AP1S3: variants seen among roughly 807,000 people sequenced by gnomAD.
AP1S3 encodes the protein AP-1 complex subunit sigma-3.
A neutral mutation model predicts 20.9 loss-of-function variants in AP1S3; 10 were observed. The ratio of observed to expected loss-of-function variants is 0.48; its 90% CI spans 0.29 to 0.81. The LOEUF (loss-of-function observed/expected upper bound fraction) is 0.81. Ranked by LOEUF, AP1S3 falls within the 30% of genes least tolerant of loss-of-function variation. The probability of loss-of-function intolerance (pLI) is 0.08; values close to 1 mark genes in which losing one functional copy is unlikely to be tolerated. For missense variants in AP1S3, 154 were observed against 183.8 expected (o/e 0.84, Z 0.94); for synonymous variants, 41 against 61.5 (o/e 0.67, Z 1.56).
At chr2:223,784,185 C>T (rs1047984799) in intron 1 of AP1S3, among the ~76,000 whole-genome samples, 2 of 152,152 alleles carry the variant, frequency 1.3e-5, no homozygotes, top group African/African-American at 4.8e-5. Flanking sequence ...TCAGCTGAAT[C>T]TCCAGTAGTA....
chr2:223,810,351 C>A (rs532766798), intron 1 of AP1S3, among the ~76,000 whole-genome samples: 1 of 152,256 alleles, frequency 6.6e-6, no homozygotes, highest in South Asian at 2.1e-4. Context: ...CTCCATCTAT[C>A]ACCTAGGCTG....
intron 3 of AP1S3, among the ~76,000 whole-genome samples, chr2:223,768,082 A>C (rs960269621): frequency 6.6e-6 from 1 of 152,114 alleles, no homozygotes; most frequent in Admixed American, 6.5e-5. Flanking sequence ...GTGCCTCTCC[A>C]GTGTAAGGTC....
chr2:223,761,412 G>A (rs1690350789), intron 4 of AP1S3, among the ~76,000 whole-genome samples: 1 of 152,142 alleles, frequency 6.6e-6, no homozygotes, highest in South Asian at 2.1e-4. Context: ...TTGCTCATGA[G>A]ATACAATCTG....
At chr2:223,832,074 C>G (rs1433854460) in intron 1 of AP1S3, among the ~76,000 whole-genome samples, 2 of 107,310 alleles carry the variant, frequency 1.9e-5, no homozygotes, top group East Asian at 5.3e-4. Flanking sequence ...AAGACTCCGT[C>G]TCAAAAAAAA....
chr2:223,774,008 G>A (rs529340178), intron 3 of AP1S3, among the ~76,000 whole-genome samples: 3 of 152,284 alleles, frequency 2.0e-5, no homozygotes, highest in Admixed American at 6.5e-5. Context: ...CAAGCAAATC[G>A]GGTGCCAGTT....
chr2:223,768,924 A>G (rs1690545441), intron 3 of AP1S3, among the ~76,000 whole-genome samples: 1 of 152,234 alleles, frequency 6.6e-6, no homozygotes, highest in Non-Finnish European at 1.5e-5. Context: ...CCCAGATACA[A>G]TTCTATGGTT....
At chr2:223,760,299 A>G (rs1690322416) in intron 4 of AP1S3, among the ~76,000 whole-genome samples, 1 of 152,338 alleles carries the variant, frequency 6.6e-6, no homozygotes, top group South Asian at 2.1e-4. Flanking sequence ...AGGGTATATG[A>G]TTCATGTGAA....
intron 1 of AP1S3, among the ~76,000 whole-genome samples, chr2:223,786,775 C>T (rs1214088261): frequency 6.6e-6 from 1 of 151,948 alleles, no homozygotes; most frequent in African/African-American, 2.4e-5. Context: ...CATGGTGGCA[C>T]ACAATTGCAG....
At chr2:223,819,980 A>T (rs1691949941) in intron 1 of AP1S3, among the ~76,000 whole-genome samples, 1 of 130,886 alleles carries the variant, frequency 7.6e-6, no homozygotes, top group Non-Finnish European at 1.8e-5. Context: ...TGTGGCCTTT[A>T]AAATATTTTG....
At chr2:223,771,720 T>C (rs1690631673) in intron 3 of AP1S3, among the ~76,000 whole-genome samples, 1 of 152,356 alleles carries the variant, frequency 6.6e-6, no homozygotes, top group Middle Eastern at 3.4e-3. Flanking sequence ...ACTTATTAAA[T>C]GATGCTCTAA....
chr2:223,790,988 A>G (rs1380784422), intron 1 of AP1S3, among the ~76,000 whole-genome samples: 5 of 152,198 alleles, frequency 3.3e-5, no homozygotes, highest in Admixed American at 1.3e-4. Context: ...GGATCCCTGA[A>G]TAGACCAATA....
intron 1 of AP1S3, among the ~76,000 whole-genome samples, chr2:223,811,572 A>C (rs1275406993): frequency 1.3e-5 from 2 of 151,446 alleles, no homozygotes; most frequent in Non-Finnish European, 2.9e-5. Flanking sequence ...CCATTTCAAA[A>C]AAAAAAAAAG....
rs75809289 is a variant in AP1S3, at chr2:223,810,189, A to G, written c.3+27259T>C. Among the ~76,000 whole-genome samples the G allele has an allele frequency of 5.7e-3, 863 of 152,312 alleles. 7 individuals are homozygous for G. Among genetic ancestry groups the G allele is most frequent in the African/African-American group, 0.019 (807 of 41,570 alleles). On this transcript the variant is annotated intron_variant, in intron 1 of 4. Transcript: ENST00000396654. Reference sequence around the variant, plus strand: ...ATCTGGGGATCCTGACCTCAAACACAGTTGTCTTCTGACAAAAGCAAAACA... The same window carrying G: ...ATCTGGGGATCCTGACCTCAAACACGGTTGTCTTCTGACAAAAGCAAAACA...
At chr2:223,772,175 TA>T (rs1384679815) in intron 3 of AP1S3, among the ~76,000 whole-genome samples, 3 of 152,382 alleles carry the variant, frequency 2.0e-5, no homozygotes, top group Non-Finnish European at 2.9e-5. Flanking sequence ...TAGCAATTAA[TA>T]GTTTATTAAG....
chr2:223,759,984 T>G lies in AP1S3; in HGVS notation c.430-1234A>C, dbSNP rs558457688. ...CATACTGTCCATCAGTTACTAAGTT[T>G]GCTAACATGCCCCAAAGCCATAATA... On this transcript the variant is annotated intron_variant, in intron 4 of 4. Coordinates refer to ENST00000396654, the MANE Select transcript of AP1S3 (RefSeq NM_001039569.2). 2.6e-5 allele frequency among the ~76,000 whole-genome samples: 4 copies of G among 152,234 alleles called. No individual in the cohort carries two copies. In the East Asian group the frequency reaches 7.7e-4, roughly 29 times the overall value.
intron 1 of AP1S3, among the ~76,000 whole-genome samples, chr2:223,786,612 T>TA (rs1161258345): frequency 1.5e-3 from 221 of 147,312 alleles, no homozygotes; most frequent in African/African-American, 2.6e-3. Flanking sequence ...GTTATTAAAT[T>TA]AAAAAAAAAA....
chr2:223,800,593 A>G (rs1691446352), intron 1 of AP1S3, among the ~76,000 whole-genome samples: 1 of 152,192 alleles, frequency 6.6e-6, no homozygotes. Flanking sequence ...AAATCACATG[A>G]TTATATCAAC....
chr2:223,830,542 T>C, intron 1 of AP1S3, among the ~76,000 whole-genome samples: 1 of 152,050 alleles, frequency 6.6e-6, no homozygotes, highest in Non-Finnish European at 1.5e-5. Flanking sequence ...AATTTATCCC[T>C]TGACAACCCC....
chr2:223,767,006 A>G (rs920180016), intron 3 of AP1S3, among the ~76,000 whole-genome samples: 3 of 152,036 alleles, frequency 2.0e-5, no homozygotes, highest in African/African-American at 7.2e-5. Context: ...TTGAACAATG[A>G]GAACACATGG....
Sources: gnomAD v4.1 joint callset for allele counts (sites outside exome capture counted in the v4.1 genomes callset) on GRCh38, gnomAD v4.1.1 for gene constraint, MANE v1.5 for transcripts, NCBI Gene and HGNC (gene_info 2026-07-23, HGNC 2026-07-21) for gene names.